The following LIPC variants were observed in gnomAD, a reference collection of about 807,000 sequenced individuals.
LIPC encodes the protein lipase C, hepatic type, also known as hepatic triacylglycerol lipase.
A neutral mutation model predicts 50.7 loss-of-function variants in LIPC; 44 were observed. That is an observed-to-expected ratio of 0.87 (90% CI 0.68 to 1.11). The LOEUF (loss-of-function observed/expected upper bound fraction) is 1.11, where lower values mean the gene tolerates loss of function less well. Ranked by LOEUF, LIPC falls within the 50% of genes most tolerant of loss-of-function variation. The pLI, the probability that LIPC is intolerant of heterozygous loss-of-function variation, is 0.00. For synonymous variants in LIPC, 271 were observed against 256.4 expected, an observed-to-expected ratio of 1.06 and a Z score of -0.54; for missense variants, 697 against 648.2, an observed-to-expected ratio of 1.08 and a Z score of -0.82.
chr15:58,437,594 G>C (rs549366160), intron 1 of LIPC, among the ~76,000 whole-genome samples: 1 of 151,938 alleles, frequency 6.6e-6, no homozygotes, highest in South Asian at 2.1e-4. Flanking sequence ...ATCCCAAGAC[G>C]ACCCCCGGGA....
At chr15:58,516,177 C>T (rs78667055) in intron 1 of LIPC, among the ~76,000 whole-genome samples, 2,736 of 149,474 alleles carry the variant, frequency 0.018, 84 homozygotes, top group African/African-American at 0.064. Flanking sequence ...TCTGGGAAGA[C>T]GTCTATTGAA....
At chr15:58,525,246 A>C (rs1190157261) in intron 1 of LIPC, among the ~76,000 whole-genome samples, 2 of 152,240 alleles carry the variant, frequency 1.3e-5, no homozygotes, top group African/African-American at 4.8e-5. Context: ...AGTCACTTCT[A>C]TCAAATACTG....
intron 3 of LIPC, 29 bp from the exon 4 acceptor site, chr15:58,542,505 C>T (rs568040695): frequency 6.9e-7 from 1 of 1,451,062 alleles, no homozygotes; most frequent in South Asian, 1.1e-5. Flanking sequence ...CAGCTCTTCT[C>T]CTGCCCCCAT....
rs550897428 is a variant in LIPC at position 58,452,192 on chromosome 15, G to A, written c.88+20072G>A. Among the ~76,000 whole-genome samples the A allele has an allele frequency of 3.3e-5, 5 of 152,236 alleles. No homozygotes were observed. The South Asian group carries it at 1.0e-3, about 32-fold the overall frequency. ...AGGCCAACAGTATCACCATGCCCCG[G>A]GAACTTGTTTGAAAGACAAATTCTC... On this transcript the variant is annotated intron_variant, in intron 1 of 8. Coordinates refer to ENST00000299022, the MANE Select transcript of LIPC (RefSeq NM_000236.3).
At position 58,545,879 on chromosome 15, in the gene LIPC, A is replaced by G. The variant is rs756970343; in HGVS notation, c.712A>G (p.Ile238Val). 3.7e-6 allele frequency: 6 copies of G among 1,614,196 alleles called. No homozygotes were observed. Among genetic ancestry groups the G allele is most frequent in the Admixed American group, 1.7e-5 (1 of 60,028 alleles). ...MGLSVGIKQPIGHYDFYPNGG... is the reference protein window; with the variant it reads ...MGLSVGIKQPVGHYDFYPNGG... ...CCTGAGCGTGGGCATCAAACAGCCC[A>G]TAGGACACTATGACTTCTATCCCAA... Residue 238 changes from isoleucine (I) to valine (V), a missense_variant, in exon 5 of 9, where the codon ATA becomes GTA. Transcript: ENST00000299022.
intron 1 of LIPC, among the ~76,000 whole-genome samples, chr15:58,509,395 T>G (rs1892263774): frequency 6.6e-6 from 1 of 152,176 alleles, no homozygotes; most frequent in Non-Finnish European, 1.5e-5. Context: ...AGACTGAAAT[T>G]GGAATACTGG....
chr15:58,497,837 T>G (rs1442738869), intron 1 of LIPC: 1 of 152,266 alleles, frequency 6.6e-6, no homozygotes, highest in Non-Finnish European at 1.5e-5. Context: ...GTGAGCTGAC[T>G]TGCCATGGAG....
At chr15:58,526,081 C>T (rs1197235949) in intron 1 of LIPC, among the ~76,000 whole-genome samples, 1 of 152,196 alleles carries the variant, frequency 6.6e-6, no homozygotes, top group Non-Finnish European at 1.5e-5. Flanking sequence ...TACTCTTCAC[C>T]ACTGGGCAAC....
chr15:58,461,001 G>A (rs1421650131), intron 1 of LIPC, among the ~76,000 whole-genome samples: 1 of 152,158 alleles, frequency 6.6e-6, no homozygotes, highest in Non-Finnish European at 1.5e-5. Flanking sequence ...CCACAGGATG[G>A]TTACAGAGGA....
At chr15:58,472,984 T>C (rs7182229) in intron 1 of LIPC, among the ~76,000 whole-genome samples, 4 of 152,028 alleles carry the variant, frequency 2.6e-5, no homozygotes, top group Non-Finnish European at 5.9e-5. Context: ...CATGGTTTTG[T>C]TAACTTTGAA....
At chr15:58,530,654 T>C (rs1892934253) in intron 1 of LIPC, among the ~76,000 whole-genome samples, 1 of 152,240 alleles carries the variant, frequency 6.6e-6, no homozygotes, top group Non-Finnish European at 1.5e-5. Flanking sequence ...CTTTTGCCCT[T>C]TGCTAGTTAA....
At chr15:58,530,262 A>C (rs530348813) in intron 1 of LIPC, among the ~76,000 whole-genome samples, 7 of 152,196 alleles carry the variant, frequency 4.6e-5, no homozygotes, top group Non-Finnish European at 1.0e-4. Flanking sequence ...GGAATCAGGG[A>C]AGACCTTCCG....
At chr15:58,546,486 T>C (rs1473191119) in intron 5 of LIPC, among the ~76,000 whole-genome samples, 1 of 152,206 alleles carries the variant, frequency 6.6e-6, no homozygotes, top group Non-Finnish European at 1.5e-5. Context: ...AAATTCAGCT[T>C]CAAATATGTC....
At chr15:58,567,701 T>C (rs1436114684) in intron 8 of LIPC, among the ~76,000 whole-genome samples, 1 of 151,800 alleles carries the variant, frequency 6.6e-6, no homozygotes, top group African/African-American at 2.4e-5. Flanking sequence ...TGAAATAGAC[T>C]TCTACCTACT....
At chr15:58,504,231 A>T (rs1214530386) in intron 1 of LIPC, among the ~76,000 whole-genome samples, 1 of 151,996 alleles carries the variant, frequency 6.6e-6, no homozygotes, top group African/African-American at 2.4e-5. Flanking sequence ...GGTCATTCCA[A>T]CCCCATCTGG....
At chr15:58,512,019 C>A (rs1369143691) in intron 1 of LIPC, among the ~76,000 whole-genome samples, 1 of 152,148 alleles carries the variant, frequency 6.6e-6, no homozygotes, top group Non-Finnish European at 1.5e-5. Context: ...AAGGAAATCA[C>A]AACCATAATA....
At chr15:58,490,201 C>A (rs553629406) in intron 1 of LIPC, among the ~76,000 whole-genome samples, 1 of 152,196 alleles carries the variant, frequency 6.6e-6, no homozygotes, top group Non-Finnish European at 1.5e-5. Context: ...CTTAAACATG[C>A]GTGGGGTCGG....
intron 1 of LIPC, among the ~76,000 whole-genome samples, chr15:58,460,962 C>A (rs2140707227): frequency 6.6e-6 from 1 of 152,198 alleles, no homozygotes; most frequent in East Asian, 1.9e-4. Context: ...CCGAACATGG[C>A]ATGTAAGAGG....
chr15:58,556,923 T>C (rs1176000107), intron 6 of LIPC, among the ~76,000 whole-genome samples: 2 of 152,260 alleles, frequency 1.3e-5, no homozygotes, highest in Admixed American at 6.5e-5. Flanking sequence ...TATGAAACTA[T>C]TAGCTCAATG....
Sources: gnomAD v4.1 joint callset for allele counts (sites outside exome capture counted in the v4.1 genomes callset) on GRCh38, gnomAD v4.1.1 for gene constraint, MANE v1.5 for transcripts, NCBI Gene and HGNC (gene_info 2026-07-23, HGNC 2026-07-21) for gene names.